The following EDEM3 variants were observed in gnomAD, a reference collection of about 807,000 sequenced individuals.
The protein encoded by EDEM3 is ER degradation-enhancing alpha-mannosidase-like protein 3.
A neutral mutation model predicts 110.2 loss-of-function variants in EDEM3; 60 were observed. The observed-to-expected ratio is 0.54, with a 90% CI of 0.44 to 0.67. The LOEUF (loss-of-function observed/expected upper bound fraction) is 0.67, where lower values mean the gene tolerates loss of function less well. EDEM3 is among the 30% of genes least tolerant of loss of function. EDEM3 has a pLI of 0.00. For synonymous variants in EDEM3, 352 were observed against 382.9 expected, an observed-to-expected ratio of 0.92 and a Z score of 0.94; for missense variants, 996 against 1,121.0, an observed-to-expected ratio of 0.89 and a Z score of 1.59.
chr1:184,744,822 A>C (rs1652340749), intron 2 of EDEM3, among the ~76,000 whole-genome samples: 1 of 152,136 alleles, frequency 6.6e-6, no homozygotes, highest in African/African-American at 2.4e-5. Context: ...TATATCTCCA[A>C]CAACATGGAT....
Position 184,692,473 on chromosome 1 carries a change from G to A in EDEM3, c.*1590C>T, listed in dbSNP as rs1649102168. On this transcript the variant is annotated 3_prime_UTR_variant, in exon 20 of 20. Transcript: ENST00000318130. The stretch of plus-strand genomic sequence containing the variant: ...TCTCAGAAAAGAATATGTTTACCTG[G>A]GATCTAAACATACTGTACACGAATA... 6.6e-6 allele frequency: 1 copy of A among 151,944 alleles called. No individual in the cohort carries two copies. The highest frequency in any genetic ancestry group is 6.6e-5 in the Admixed American group (1 of 15,236). 9.4% of individuals were successfully genotyped at this position (151,944 alleles called of 1,614,324 possible).
intron 19 of EDEM3, chr1:184,701,394 G>A: frequency 2.1e-6 from 1 of 476,042 alleles, no homozygotes; most frequent in Non-Finnish European, 3.1e-6. Context: ...TATTATCATG[G>A]TATCCACTGA....
intron 9 of EDEM3, 125 bp downstream of exon 9, chr1:184,721,164 T>C (rs1224444004): frequency 9.6e-6 from 7 of 731,598 alleles, no homozygotes; most frequent in Non-Finnish European, 1.6e-5. Context: ...CATCAGGAAA[T>C]ACTGACACAA....
intron 13 of EDEM3, among the ~76,000 whole-genome samples, chr1:184,715,596 A>T (rs114740782): frequency 6.6e-6 from 1 of 152,124 alleles, no homozygotes; most frequent in Non-Finnish European, 1.5e-5. Context: ...ATTCTGACTT[A>T]ATCTTACTAA....
At chr1:184,747,673 T>C (rs1052034274) in intron 2 of EDEM3, among the ~76,000 whole-genome samples, 3 of 152,258 alleles carry the variant, frequency 2.0e-5, no homozygotes, top group African/African-American at 7.2e-5. Flanking sequence ...GCTGAAATCC[T>C]TCTCTCTTAA....
At chr1:184,694,811 G>T (rs1178717814) in intron 19 of EDEM3, among the ~76,000 whole-genome samples, 1 of 151,940 alleles carries the variant, frequency 6.6e-6, no homozygotes, top group African/African-American at 2.4e-5. Flanking sequence ...GCAATGTATG[G>T]CTAAAATGTA....
At chr1:184,702,049 G>A (rs911840510) in intron 19 of EDEM3, among the ~76,000 whole-genome samples, 1 of 152,004 alleles carries the variant, frequency 6.6e-6, no homozygotes, top group Non-Finnish European at 1.5e-5. Flanking sequence ...TCTCTCTTCA[G>A]GTCTCTCCAG....
intron 1 of EDEM3, among the ~76,000 whole-genome samples, chr1:184,750,511 A>ATTTT (rs1652698923): frequency 9.1e-6 from 1 of 110,138 alleles, no homozygotes; most frequent in South Asian, 3.5e-4. Context: ...TTTTTTATTA[A>ATTTT]CTTTTTCTTT....
chr1:184,717,680 C>G, intron 11 of EDEM3, 57 bp from the exon 12 acceptor site: 1 of 1,337,536 alleles, frequency 7.5e-7, no homozygotes, highest in Non-Finnish European at 1.0e-6. Context: ...ACAAGTAGTT[C>G]CAGAATATAT....
At chr1:184,717,935 T>A (rs1650643913) in intron 11 of EDEM3, among the ~76,000 whole-genome samples, 1 of 152,048 alleles carries the variant, frequency 6.6e-6, no homozygotes. Flanking sequence ...TTTCTTTTTA[T>A]CCTTCCCTCT....
chr1:184,745,611 A>C (rs929351790), intron 2 of EDEM3, among the ~76,000 whole-genome samples: 1 of 152,044 alleles, frequency 6.6e-6, no homozygotes, highest in Non-Finnish European at 1.5e-5. Context: ...GGTAGGGGAG[A>C]GGCACTCCAA....
intron 4 of EDEM3, among the ~76,000 whole-genome samples, chr1:184,736,632 G>T (rs1651839586): frequency 6.6e-6 from 1 of 151,940 alleles, no homozygotes; most frequent in Non-Finnish European, 1.5e-5. Flanking sequence ...TTAATTTTTT[G>T]CTTATGAACA....
intron 19 of EDEM3, chr1:184,701,672 T>C (rs1172466602): frequency 5.8e-6 from 3 of 514,378 alleles, no homozygotes; most frequent in East Asian, 1.5e-4. Flanking sequence ...GATCTGAGTT[T>C]AGAAAAGGGC....
Position 184,733,017 on chromosome 1 carries a change from C to A in EDEM3, c.459-27G>T, listed in dbSNP as rs778741375. The A allele has an allele frequency of 9.4e-5, 151 of 1,607,942 alleles. 4 individuals carry two copies. The highest frequency in any genetic ancestry group is 8.2e-4 in the South Asian group (74 of 90,318). On this transcript the variant is annotated intron_variant, in intron 5 of 19. Coordinates refer to ENST00000318130, the MANE Select transcript of EDEM3 (RefSeq NM_025191.4). ...TAGGATCACAGAGATGAAACATTAT[C>A]CATATCTTATAGACAATTAAAAGTT...
intron 19 of EDEM3, among the ~76,000 whole-genome samples, chr1:184,701,303 G>A (rs933238153): frequency 1.3e-5 from 2 of 151,996 alleles, no homozygotes; most frequent in African/African-American, 4.8e-5. Context: ...TCTATTGTAT[G>A]GGATGTATAA....
chr1:184,702,939 C>T lies in EDEM3; in HGVS notation c.2261G>A (p.Gly754Glu). The change falls in exon 19 of 20, where the codon GGA (glycine) becomes GAA (glutamate). Residue 754 changes from glycine (G) to glutamate (E), a missense_variant. Gly to Glu is a moderately conservative substitution (Grantham distance 98). Coordinates refer to ENST00000318130, the MANE Select transcript of EDEM3 (RefSeq NM_025191.4). ...GATCTTGATGTCATCTGTATCCTTTCCATCACCTGCCATCTGGAACAGAGG... is the reference window on the plus strand; with the variant it reads ...GATCTTGATGTCATCTGTATCCTTTTCATCACCTGCCATCTGGAACAGAGG... Reference protein sequence around the residue: ...TAPLFQMAGDGKDTDDIKIPM... With the variant: ...TAPLFQMAGDEKDTDDIKIPM... 6.2e-7 allele frequency: 1 copy of T among 1,613,194 alleles called. No homozygotes were observed. The highest frequency in any genetic ancestry group is 8.5e-7 in the Non-Finnish European group (1 of 1,179,626).
At chr1:184,750,774 A>G (rs1235291049) in intron 1 of EDEM3, among the ~76,000 whole-genome samples, 1 of 152,030 alleles carries the variant, frequency 6.6e-6, no homozygotes, top group African/African-American at 2.4e-5. Context: ...CAGCCTCCCA[A>G]AGTGCTGGGA....
chr1:184,712,935 T>A (rs2102075103), intron 13 of EDEM3, among the ~76,000 whole-genome samples: 1 of 152,240 alleles, frequency 6.6e-6, no homozygotes, highest in South Asian at 2.1e-4. Flanking sequence ...ATTTTACTAG[T>A]GAGAATCATA....
Position 184,737,030 on chromosome 1 carries a change from G to C in EDEM3, c.340C>G (p.Leu114Val), listed in dbSNP as rs1257308126. The C allele has an allele frequency of 6.8e-6, 11 of 1,611,832 alleles. No individual in the cohort carries two copies. Among genetic ancestry groups the C allele is most frequent in the Non-Finnish European group, 9.3e-6 (11 of 1,178,450 alleles). ...CCAAGAAGAGTCAAACCTACCACAA[G>C]AGTGTCCAAAGAATCAATCAGTGTC... ...SLTLIDSLDT[L>V]VVLNKTKEFE... Residue 114 changes from leucine to valine, a missense_variant, in exon 4 of 20, where the codon CTT becomes GTT. This residue lies in a region of EDEM3 where 200 missense variants were observed against 183.8 expected (regional missense o/e 1.09). Transcript: ENST00000318130.
Sources: gnomAD v4.1 joint callset for allele counts (sites outside exome capture counted in the v4.1 genomes callset) on GRCh38, gnomAD v4.1.1 for gene constraint, gnomAD v4.1.1 regional missense constraint, MANE v1.5 for transcripts, NCBI Gene and HGNC (gene_info 2026-07-23, HGNC 2026-07-21) for gene names.